REPS1: variants seen among roughly 807,000 people sequenced by gnomAD.
The protein encoded by REPS1 is ralBP1-associated Eps domain-containing protein 1.
A neutral mutation model predicts 100.9 loss-of-function variants in REPS1; 39 were observed. The observed-to-expected ratio is 0.39, with a 90% CI of 0.30 to 0.50. The LOEUF (loss-of-function observed/expected upper bound fraction) is 0.50. REPS1 is among the 20% of genes least tolerant of loss of function. The pLI is 0.86. For missense variants in REPS1, 821 were observed against 968.5 expected, an observed-to-expected ratio of 0.85 and a Z score of 2.02; for synonymous variants, 324 against 340.3, an observed-to-expected ratio of 0.95 and a Z score of 0.53.
At chr6:138,908,581 C>T (rs1343032145) in intron 18 of REPS1, 87 bp downstream of exon 18, 5 of 1,443,768 alleles carry the variant, frequency 3.5e-6, no homozygotes, top group Non-Finnish European at 3.9e-6. Context: ...AGGTGTGAGC[C>T]ACCACGCCTG....
intron 19 of REPS1, among the ~76,000 whole-genome samples, 193 bp from the exon 20 acceptor site, chr6:138,905,325 C>T (rs1779561871): frequency 6.6e-6 from 1 of 152,214 alleles, no homozygotes; most frequent in Non-Finnish European, 1.5e-5. Context: ...CGCTCTGTCG[C>T]CCAGGCCGGA....
rs1426553765 is a variant in REPS1 at position 138,987,710 on chromosome 6, C to T, written c.-28G>A. ...TCGCCTCCGGCTCACGGCCGCCCCG[C>T]CCCGCATGCACTACTCGGGGCCCGG... On this transcript the variant is annotated 5_prime_UTR_variant, in exon 1 of 20. Transcript: ENST00000450536. The T allele has an allele frequency of 1.7e-5, 26 of 1,527,558 alleles. No homozygotes were observed. The highest frequency in any genetic ancestry group is 2.2e-5 in the Non-Finnish European group (25 of 1,135,372). The allele number at this position is 1,527,558 out of a possible 1,614,324, so 94.6% of individuals were successfully genotyped here. A position where few individuals can be genotyped will look rare whatever the true frequency, so the allele number is the denominator to read the frequency against.
Position 138,954,906 on chromosome 6 carries a change from T to C in REPS1, c.154-6993A>G, listed in dbSNP as rs376664501. On this transcript the variant is annotated intron_variant, in intron 1 of 19. Coordinates refer to ENST00000450536, the MANE Select transcript of REPS1 (RefSeq NM_001286611.2). Reference sequence around the variant, plus strand: ...ACATAATACATACATCTTACACAGGTAGGGTCACTGTACATTATTTTTTCA... The same window carrying C: ...ACATAATACATACATCTTACACAGGCAGGGTCACTGTACATTATTTTTTCA... Among the ~76,000 whole-genome samples the C allele has an allele frequency of 2.0e-4, 30 of 152,250 alleles. No individual in the cohort carries two copies. In the East Asian group the frequency reaches 2.5e-3, roughly 13 times the overall value.
intron 6 of REPS1, 116 bp downstream of exon 6, chr6:138,943,734 AAAT>A (rs1782420187): frequency 1.9e-6 from 2 of 1,076,288 alleles, no homozygotes; most frequent in South Asian, 1.7e-5. Context: ...CTTTTTAGAC[AAAT>A]AATCTGATAA....
intron 1 of REPS1, 93 bp downstream of exon 1, chr6:138,987,437 C>G (rs1785334698): frequency 7.7e-7 from 1 of 1,301,298 alleles, no homozygotes. Flanking sequence ...ACCAGCCCCC[C>G]GCCGGGCCCC....
chr6:138,970,636 AGGCCG>A (rs1784292639), intron 1 of REPS1, among the ~76,000 whole-genome samples: 1 of 151,942 alleles, frequency 6.6e-6, no homozygotes, highest in Admixed American at 6.6e-5. Flanking sequence ...ACCCAAAAAA[AGGCCG>A]GGCATGGTGG....
At chr6:138,963,806 A>G (rs1056810960) in intron 1 of REPS1, among the ~76,000 whole-genome samples, 3 of 152,170 alleles carry the variant, frequency 2.0e-5, no homozygotes, top group African/African-American at 7.2e-5. Context: ...CTAATCTCTA[A>G]TATTTTCTTT....
intron 1 of REPS1, among the ~76,000 whole-genome samples, chr6:138,963,580 A>G (rs1236451848): frequency 2.6e-5 from 4 of 152,216 alleles, no homozygotes; most frequent in Non-Finnish European, 1.5e-5. Context: ...AACATTTTCT[A>G]ATAATAAACA....
chr6:138,917,706 G>C, intron 12 of REPS1, 79 bp from the exon 13 acceptor site: 2 of 1,158,302 alleles, frequency 1.7e-6, no homozygotes, highest in Non-Finnish European at 2.5e-6. Flanking sequence ...AAATATAAGT[G>C]ATATGCTGTT....
intron 8 of REPS1, among the ~76,000 whole-genome samples, chr6:138,940,712 C>G (rs372019539): frequency 6.6e-6 from 1 of 150,464 alleles, no homozygotes; most frequent in Non-Finnish European, 1.5e-5. Flanking sequence ...TGCCACTGCA[C>G]TCCAGCCTGG....
intron 1 of REPS1, among the ~76,000 whole-genome samples, chr6:138,950,459 C>T (rs975888809): frequency 1.3e-5 from 2 of 151,926 alleles, no homozygotes; most frequent in African/African-American, 4.8e-5. Flanking sequence ...CAAGCCTGGG[C>T]AACAGAGCAA....
At chr6:138,906,611 A>T (rs2128421037) in intron 19 of REPS1, among the ~76,000 whole-genome samples, 1 of 152,370 alleles carries the variant, frequency 6.6e-6, no homozygotes, top group East Asian at 1.9e-4. Context: ...AATAAATGCT[A>T]AATGAGGAGC....
intron 1 of REPS1, among the ~76,000 whole-genome samples, chr6:138,970,603 G>A (rs770592223): frequency 2.0e-5 from 3 of 152,146 alleles, no homozygotes; most frequent in East Asian, 1.9e-4. Context: ...CCAACATGGC[G>A]AAACCCTATC....
At chr6:138,924,412 A>G (rs961011086) in intron 10 of REPS1, among the ~76,000 whole-genome samples, 4 of 152,204 alleles carry the variant, frequency 2.6e-5, no homozygotes, top group East Asian at 3.8e-4. Context: ...TTTCCAAGAA[A>G]TGTCAATAAT....
At chr6:138,912,266 A>G (rs1780062563) in intron 16 of REPS1, among the ~76,000 whole-genome samples, 1 of 152,230 alleles carries the variant, frequency 6.6e-6, no homozygotes, top group South Asian at 2.1e-4. Flanking sequence ...AAATTTTGGT[A>G]TCCTATAGTC....
At chr6:138,912,975 A>G in intron 15 of REPS1, 25 bp from the exon 16 acceptor site, 1 of 1,582,620 alleles carries the variant, frequency 6.3e-7, no homozygotes, top group Non-Finnish European at 8.6e-7. Flanking sequence ...AGAACAGAGG[A>G]ACACACATTC....
At chr6:138,909,639 T>A (rs1030954870) in intron 17 of REPS1, among the ~76,000 whole-genome samples, 6 of 151,490 alleles carry the variant, frequency 4.0e-5, no homozygotes, top group Non-Finnish European at 8.8e-5. Context: ...CCCATGCTGT[T>A]CTTATGAGAG....
At chr6:138,943,397 TC>T in intron 7 of REPS1, 115 bp downstream of exon 7, 1 of 591,458 alleles carries the variant, frequency 1.7e-6, no homozygotes, top group Non-Finnish European at 3.0e-6. Context: ...AATACTGAGT[TC>T]TTTGACAGCA....
rs200327455 is a variant in REPS1 at position 138,930,604 on chromosome 6, T to C, written c.1136-506A>G. On this transcript the variant is annotated intron_variant, in intron 8 of 19. Coordinates refer to ENST00000450536, the MANE Select transcript of REPS1 (RefSeq NM_001286611.2). ...GCTTTGTTTAAATCACTTTTTTTTT[T>C]CCAGACACACATCCTTTTCATCAAA... Among the ~76,000 whole-genome samples the C allele has an allele frequency of 8.5e-5, 13 of 152,272 alleles. No individual in the cohort carries two copies. The South Asian group carries it at 1.7e-3, about 19-fold the overall frequency.
Sources: gnomAD v4.1 joint callset for allele counts (sites outside exome capture counted in the v4.1 genomes callset) on GRCh38, gnomAD v4.1.1 for gene constraint, MANE v1.5 for transcripts, NCBI Gene and HGNC (gene_info 2026-07-23, HGNC 2026-07-21) for gene names.